XPO1: variants seen among roughly 807,000 people sequenced by gnomAD.
XPO1 encodes the protein exportin-1.
A neutral mutation model predicts 133.3 loss-of-function variants in XPO1; 5 were observed. That is an observed-to-expected ratio of 0.04 (90% CI 0.02 to 0.08). The LOEUF is 0.08. Ranked by LOEUF, XPO1 falls within the 10% of genes least tolerant of loss-of-function variation. The pLI, the probability that XPO1 is intolerant of heterozygous loss-of-function variation, is 1.00. For synonymous variants in XPO1, 419 were observed against 408.2 expected, an observed-to-expected ratio of 1.03 and a Z score of -0.32; for missense variants, 506 against 1,267.5, an observed-to-expected ratio of 0.40 and a Z score of 9.12.
intron 4 of XPO1, among the ~76,000 whole-genome samples, chr2:61,507,682 A>T (rs893175186): frequency 6.6e-6 from 1 of 152,136 alleles, no homozygotes; most frequent in Non-Finnish European, 1.5e-5. Flanking sequence ...GTTCGAGACC[A>T]GCCTGGCCAA....
At chr2:61,516,728 T>C (rs1553412922) in intron 4 of XPO1, among the ~76,000 whole-genome samples, 2 of 151,922 alleles carry the variant, frequency 1.3e-5, no homozygotes, top group Non-Finnish European at 2.9e-5. Context: ...AGTAAGTTTT[T>C]ATCAATCAAT....
chr2:61,488,121 C>T (rs370498716), intron 19 of XPO1, 44 bp downstream of exon 19: 2 of 1,529,118 alleles, frequency 1.3e-6, no homozygotes, highest in African/African-American at 1.4e-5. Flanking sequence ...CCATAAAACA[C>T]AGCATCAACA....
intron 1 of XPO1, among the ~76,000 whole-genome samples, chr2:61,535,332 G>C (rs1372460164): frequency 1.3e-5 from 2 of 152,114 alleles, no homozygotes; most frequent in Non-Finnish European, 2.9e-5. Flanking sequence ...TACAATTATA[G>C]AGGATTCAGG....
chr2:61,521,153 T>A (rs539446466), intron 4 of XPO1, among the ~76,000 whole-genome samples: 2 of 152,340 alleles, frequency 1.3e-5, no homozygotes, highest in Admixed American at 6.5e-5. Flanking sequence ...TGATTTATGA[T>A]GTATTAAAGA....
chr2:61,481,926 G>A (rs1042350373), intron 23 of XPO1, among the ~76,000 whole-genome samples: 7 of 151,196 alleles, frequency 4.6e-5, no homozygotes, highest in East Asian at 2.0e-4. Flanking sequence ...TAGTAGAAAC[G>A]GGGTTTCACC....
At chr2:61,533,324 T>G (rs914032868) in intron 2 of XPO1, among the ~76,000 whole-genome samples, 1 of 152,208 alleles carries the variant, frequency 6.6e-6, no homozygotes, top group Non-Finnish European at 1.5e-5. Flanking sequence ...TGGTTTATGT[T>G]TAAGATAATT....
At chr2:61,528,973 T>C (rs1449018414) in intron 2 of XPO1, among the ~76,000 whole-genome samples, 1 of 151,956 alleles carries the variant, frequency 6.6e-6, no homozygotes, top group African/African-American at 2.4e-5. Context: ...TTGGACCAGG[T>C]GTGGTGGCTC....
chr2:61,496,770 A>C (rs1697261158), intron 10 of XPO1, 109 bp downstream of exon 10: 7 of 1,216,430 alleles, frequency 5.8e-6, no homozygotes. Context: ...AATAAACAAA[A>C]GATTATGGCT....
intron 6 of XPO1, among the ~76,000 whole-genome samples, chr2:61,501,728 A>AAAAAAAAAAAAAAAAAAAAAAAAG (rs1558649299): frequency 7.2e-6 from 1 of 138,252 alleles, no homozygotes; most frequent in African/African-American, 2.7e-5. Flanking sequence ...CTCCAAAAAA[A>AAAAAAAAAAAAAAAAAAAAAAAAG]AAAAAAAAAG....
intron 4 of XPO1, among the ~76,000 whole-genome samples, chr2:61,517,568 A>C (rs1045541045): frequency 2.0e-5 from 3 of 152,190 alleles, no homozygotes; most frequent in Admixed American, 6.5e-5. Context: ...CATGGGTGAT[A>C]CAGTGAGATC....
chr2:61,520,814 G>A (rs964590286), intron 4 of XPO1, among the ~76,000 whole-genome samples: 1 of 152,102 alleles, frequency 6.6e-6, no homozygotes, highest in African/African-American at 2.4e-5. Context: ...AGAACAAAAG[G>A]AGGATTTAAA....
intron 4 of XPO1, among the ~76,000 whole-genome samples, chr2:61,519,076 G>A (rs886827542): frequency 1.3e-5 from 2 of 152,024 alleles, no homozygotes; most frequent in African/African-American, 4.8e-5. Context: ...TCAGCCTCCT[G>A]AGTAGCTGGG....
Position 61,526,463 on chromosome 2 carries a change from C to A in XPO1, c.185G>T (p.Arg62Ile). Residue 62 changes from arginine (R) to isoleucine (I), a missense_variant, in exon 3 of 25, where the codon AGA becomes ATA. Around this residue, in one of 6 missense-constraint regions of XPO1, gnomAD observed 68 missense variants for 210.5 expected, o/e 0.32. Transcript: ENST00000401558. ...HLKEHPDAWT[R>I]VDTILEFSQN... ...AGAAAATTCCAAAATTGTGTCGACTCTTGTCCAAGCATCAGGATGCTCCTT... is the reference window on the plus strand; with the variant it reads ...AGAAAATTCCAAAATTGTGTCGACTATTGTCCAAGCATCAGGATGCTCCTT... The A allele has an allele frequency of 6.2e-7, 1 of 1,609,530 alleles. No individual in the cohort carries two copies. The highest frequency in any genetic ancestry group is 8.5e-7 in the Non-Finnish European group (1 of 1,179,018).
intron 2 of XPO1, among the ~76,000 whole-genome samples, chr2:61,527,196 G>A (rs1698941601): frequency 6.6e-6 from 1 of 151,882 alleles, no homozygotes; most frequent in South Asian, 2.1e-4. Context: ...TAGGCCAGTA[G>A]CAGTGTTTCA....
At chr2:61,526,285 A>T in intron 3 of XPO1, 135 bp downstream of exon 3, 1 of 1,465,800 alleles carries the variant, frequency 6.8e-7, no homozygotes, top group Non-Finnish European at 8.9e-7. Context: ...TATGCTTAAG[A>T]CTAAATTTTG....
chr2:61,524,503 T>G (rs1698830697), intron 3 of XPO1, among the ~76,000 whole-genome samples: 1 of 152,184 alleles, frequency 6.6e-6, no homozygotes, highest in South Asian at 2.1e-4. Context: ...GGGAGCCCAA[T>G]AAATGCTTTG....
intron 2 of XPO1, among the ~76,000 whole-genome samples, chr2:61,528,736 TATATATATATA>T (rs1699023316): frequency 5.3e-4 from 1 of 1,890 alleles, no homozygotes; most frequent in African/African-American, 3.8e-3. Context: ...ATTTTATTTA[TATATATATATA>T]TATATATATA....
chr2:61,488,845 T>G, intron 17 of XPO1, 74 bp from the exon 18 acceptor site: 1 of 1,524,776 alleles, frequency 6.6e-7, no homozygotes, highest in Non-Finnish European at 8.9e-7. Context: ...CTCACGCCTG[T>G]AATCCCAGCA....
At chr2:61,501,084 TA>T (rs968887970) in intron 6 of XPO1, among the ~76,000 whole-genome samples, 3 of 152,190 alleles carry the variant, frequency 2.0e-5, no homozygotes, top group Non-Finnish European at 4.4e-5. Context: ...TAACCTTCTT[TA>T]TATTCTCTCC....
Sources: allele counts gnomAD v4.1 joint callset (sites outside exome capture counted in the v4.1 genomes callset), GRCh38; gene constraint gnomAD v4.1.1; regional missense constraint gnomAD v4.1.1; transcripts MANE v1.5; gene names NCBI Gene and HGNC (gene_info 2026-07-23, HGNC 2026-07-21).